Variants in DLG2 observed in about 807,000 individuals in gnomAD.
The protein encoded by DLG2 is disks large homolog 2.
In DLG2, 45 loss-of-function variants were observed where a neutral mutation model predicts 132.5. That is an observed-to-expected ratio of 0.34 (90% CI 0.27 to 0.44). The LOEUF (loss-of-function observed/expected upper bound fraction) is 0.44, where lower values mean the gene tolerates loss of function less well. DLG2 is among the 20% of genes least tolerant of loss of function. The pLI is 1.00. For synonymous variants in DLG2, 424 were observed against 419.6 expected (o/e 1.01, Z -0.13); for missense variants, 1,045 against 1,196.9 (o/e 0.87, Z 1.87).
intron 7 of DLG2, among the ~76,000 whole-genome samples, chr11:84,420,355 G>C (rs969877351): frequency 6.6e-6 from 1 of 152,082 alleles, no homozygotes; most frequent in Admixed American, 6.5e-5. Context: ...ACTCTGAATG[G>C]AAAACAGTGG....
intron 17 of DLG2, among the ~76,000 whole-genome samples, chr11:83,799,589 A>G (rs891831995): frequency 5.9e-5 from 9 of 152,212 alleles, no homozygotes. Flanking sequence ...ATACTTCTGG[A>G]AGCCAAACAG....
intron 17 of DLG2, among the ~76,000 whole-genome samples, chr11:83,793,440 ATACTT>A (rs2042060130): frequency 6.6e-6 from 1 of 152,230 alleles, no homozygotes; most frequent in South Asian, 2.1e-4. Context: ...CAATTGGAAT[ATACTT>A]TAATGTTTGA....
chr11:85,260,381 C>T (rs968909827), intron 4 of DLG2, among the ~76,000 whole-genome samples: 2 of 152,142 alleles, frequency 1.3e-5, no homozygotes, highest in African/African-American at 4.8e-5. Context: ...AACAGTTATT[C>T]CTTCCATTGG....
At chr11:85,582,708 C>T (rs1234758273) in intron 3 of DLG2, among the ~76,000 whole-genome samples, 1 of 63,848 alleles carries the variant, frequency 1.6e-5, no homozygotes, top group African/African-American at 4.7e-5. Flanking sequence ...AAAAAAAACT[C>T]GTGCAGCAAC....
intron 6 of DLG2, among the ~76,000 whole-genome samples, chr11:84,957,729 C>T (rs1181730967): frequency 2.6e-5 from 4 of 152,184 alleles, no homozygotes; most frequent in Non-Finnish European, 5.9e-5. Flanking sequence ...CGTTCTCTAC[C>T]TCAGTGAGTG....
chr11:85,620,702 C>G (rs1391527364), intron 2 of DLG2, among the ~76,000 whole-genome samples: 1 of 152,222 alleles, frequency 6.6e-6, no homozygotes, highest in East Asian at 1.9e-4. Flanking sequence ...AAGGCCCTAA[C>G]TCTCTTCAAT....
At chr11:84,230,555 C>T (rs181991629) in intron 8 of DLG2, among the ~76,000 whole-genome samples, 1 of 152,094 alleles carries the variant, frequency 6.6e-6, no homozygotes, top group Non-Finnish European at 1.5e-5. Flanking sequence ...GTTCTAAGTG[C>T]TGGGAATTTT....
At chr11:83,521,796 T>G (rs1448322108) in intron 21 of DLG2, among the ~76,000 whole-genome samples, 1 of 152,076 alleles carries the variant, frequency 6.6e-6, no homozygotes, top group African/African-American at 2.4e-5. Flanking sequence ...ATTCCTAGGA[T>G]GTAGGCTCTA....
At chr11:85,111,392 G>A (rs11827460) in intron 6 of DLG2, among the ~76,000 whole-genome samples, 5 of 152,130 alleles carry the variant, frequency 3.3e-5, no homozygotes, top group East Asian at 1.9e-4. Context: ...AAATATATTC[G>A]TTTTAATGAC....
chr11:85,280,217 C>T (rs1327198729), intron 4 of DLG2, among the ~76,000 whole-genome samples: 7 of 152,038 alleles, frequency 4.6e-5, no homozygotes, highest in Admixed American at 2.0e-4. Context: ...GGACTTTCCA[C>T]AAGATCATTA....
chr11:85,095,773 G>C (rs1270481069), intron 6 of DLG2, among the ~76,000 whole-genome samples: 1 of 152,192 alleles, frequency 6.6e-6, no homozygotes, highest in African/African-American at 2.4e-5. Context: ...ATGCACACCA[G>C]GGAGCTAGGA....
Position 84,369,244 on chromosome 11 carries a change from C to G in DLG2, c.520-117953G>C, listed in dbSNP as rs183966715. On this transcript the variant is annotated intron_variant, in intron 7 of 27. Coordinates refer to ENST00000376104, the MANE Select transcript of DLG2 (RefSeq NM_001142699.3). ...ATAGAGAGCTCCAGACTCCTTATCCCAGCCACCACAGTTGGTTTGGAACTT... is the reference window on the plus strand; with the variant it reads ...ATAGAGAGCTCCAGACTCCTTATCCGAGCCACCACAGTTGGTTTGGAACTT... Among the ~76,000 whole-genome samples, 259 of 152,084 alleles carry G rather than the reference C, an allele frequency of 1.7e-3. 2 individuals are homozygous for G. Among genetic ancestry groups the G allele is most frequent in the African/African-American group, 5.7e-3 (235 of 41,494 alleles).
intron 2 of DLG2, among the ~76,000 whole-genome samples, chr11:85,599,748 C>T (rs1484726064): frequency 3.9e-5 from 6 of 152,136 alleles, no homozygotes; most frequent in East Asian, 1.9e-4. Flanking sequence ...ATCATCATTC[C>T]GTCTTCTTCT....
At chr11:84,534,924 C>T (rs1322377012) in intron 6 of DLG2, 193 bp from the exon 7 acceptor site, 2 of 716,760 alleles carry the variant, frequency 2.8e-6, no homozygotes, top group Non-Finnish European at 5.0e-6. Flanking sequence ...ACTGAGTTAA[C>T]CACGAATATT....
chr11:85,579,971 C>G (rs2153228614), intron 3 of DLG2, among the ~76,000 whole-genome samples: 1 of 152,258 alleles, frequency 6.6e-6, no homozygotes, highest in African/African-American at 2.4e-5. Flanking sequence ...CCACAATTCA[C>G]ACATGTTGTG....
At chr11:84,517,674 G>GTATGTTGAA (rs1289588713) in intron 7 of DLG2, among the ~76,000 whole-genome samples, 4 of 151,920 alleles carry the variant, frequency 2.6e-5, no homozygotes, top group African/African-American at 9.7e-5. Flanking sequence ...AATAAAGTCA[G>GTATGTTGAA]TATGTTGAAG....
At chr11:83,787,661 T>C (rs1209874499) in intron 17 of DLG2, among the ~76,000 whole-genome samples, 1 of 152,152 alleles carries the variant, frequency 6.6e-6, no homozygotes, top group Non-Finnish European at 1.5e-5. Context: ...CTATTTCTCA[T>C]ATACAATTCT....
At chr11:84,392,077 A>G (rs1488594092) in intron 7 of DLG2, among the ~76,000 whole-genome samples, 2 of 152,302 alleles carry the variant, frequency 1.3e-5, no homozygotes, top group African/African-American at 4.8e-5. Flanking sequence ...GACACAATGT[A>G]TCTGTCACAG....
At chr11:84,842,090 C>T (rs187671784) in intron 6 of DLG2, among the ~76,000 whole-genome samples, 9 of 152,038 alleles carry the variant, frequency 5.9e-5, no homozygotes, top group Non-Finnish European at 1.0e-4. Flanking sequence ...TATCATATAA[C>T]ACATCATCCC....
Sources: allele counts gnomAD v4.1 joint callset (sites outside exome capture counted in the v4.1 genomes callset), GRCh38; gene constraint gnomAD v4.1.1; transcripts MANE v1.5; gene names NCBI Gene and HGNC (gene_info 2026-07-23, HGNC 2026-07-21).